The following FOXP2 variants were observed in gnomAD, a reference collection of about 807,000 sequenced individuals.
FOXP2 encodes the protein forkhead box P2, also known as forkhead box protein P2.
A neutral mutation model predicts 115.8 loss-of-function variants in FOXP2; 12 were observed. The ratio of observed to expected loss-of-function variants is 0.10; its 90% CI spans 0.07 to 0.17. The LOEUF is 0.17. Among genes scored for constraint, FOXP2 ranks in the 10% least tolerant of loss-of-function variants. The pLI is 1.00. For synonymous variants in FOXP2, 328 were observed against 297.7 expected (o/e 1.10, Z -1.05); for missense variants, 629 against 843.5 (o/e 0.75, Z 3.15).
intron 2 of FOXP2, among the ~76,000 whole-genome samples, chr7:114,361,498 G>C (rs1791744031): frequency 6.6e-6 from 1 of 152,016 alleles, no homozygotes; most frequent in East Asian, 1.9e-4. Context: ...AGTATAATTT[G>C]TTCAGCCATA....
intron 1 of FOXP2, among the ~76,000 whole-genome samples, chr7:114,173,081 C>G (rs1170258199): frequency 6.6e-6 from 1 of 151,568 alleles, no homozygotes; most frequent in Non-Finnish European, 1.5e-5. Flanking sequence ...TAAGAATATC[C>G]ATGCTATAGT....
At chr7:114,171,042 G>A (rs1458697096) in intron 1 of FOXP2, among the ~76,000 whole-genome samples, 1 of 152,204 alleles carries the variant, frequency 6.6e-6, no homozygotes, top group African/African-American at 2.4e-5. Flanking sequence ...TGACTCTTTT[G>A]TTAGAGGCTA....
intron 1 of FOXP2, among the ~76,000 whole-genome samples, chr7:114,258,996 T>C (rs1795685150): frequency 6.6e-6 from 1 of 152,162 alleles, no homozygotes; most frequent in South Asian, 2.1e-4. Flanking sequence ...AATTCATATA[T>C]TGTAGAAGAG....
intron 1 of FOXP2, among the ~76,000 whole-genome samples, chr7:114,172,045 AT>A (rs1793157301): frequency 6.6e-6 from 1 of 152,198 alleles, no homozygotes; most frequent in Non-Finnish European, 1.5e-5. Context: ...TAAAACTTTA[AT>A]AAGTGAGGAA....
upstream of FOXP2, among the ~76,000 whole-genome samples, chr7:114,412,132 G>A (rs576642906): frequency 6.6e-6 from 1 of 152,000 alleles, no homozygotes; most frequent in South Asian, 2.1e-4. Context: ...TCATAATAAG[G>A]GCATAGAAAG....
At chr7:114,353,514 T>C (rs995109101) in intron 2 of FOXP2, among the ~76,000 whole-genome samples, 3 of 152,108 alleles carry the variant, frequency 2.0e-5, no homozygotes, top group Admixed American at 6.6e-5. Flanking sequence ...TGAAAGCAGA[T>C]TGGGATTTAC....
chr7:114,149,991 C>T (rs1348063824), intron 1 of FOXP2, among the ~76,000 whole-genome samples: 3 of 151,856 alleles, frequency 2.0e-5, no homozygotes, highest in Non-Finnish European at 4.4e-5. Flanking sequence ...ATATGAATAC[C>T]GTTTAGTGTT....
chr7:114,174,146 A>C (rs1215171956), intron 1 of FOXP2, among the ~76,000 whole-genome samples: 1 of 151,980 alleles, frequency 6.6e-6, no homozygotes, highest in Non-Finnish European at 1.5e-5. Context: ...GTGCAAATAA[A>C]TAAATGTGTG....
chr7:114,429,668 CAG>C (rs1794018539), intron 2 of FOXP2, among the ~76,000 whole-genome samples: 1 of 151,472 alleles, frequency 6.6e-6, no homozygotes, highest in Admixed American at 6.6e-5. Context: ...TTCATTAAGT[CAG>C]ATAATCTTTC....
intron 2 of FOXP2, among the ~76,000 whole-genome samples, chr7:114,357,138 A>G (rs1791636413): frequency 6.6e-6 from 1 of 152,150 alleles, no homozygotes; most frequent in African/African-American, 2.4e-5. Context: ...GGCCATTTGA[A>G]AACCCTGATA....
chr7:114,296,345 G>T (rs746334331), intron 2 of FOXP2, among the ~76,000 whole-genome samples: 15 of 152,032 alleles, frequency 9.9e-5, no homozygotes, highest in Non-Finnish European at 1.8e-4. Context: ...GAATGGATTT[G>T]CCAGAGTACA....
intron 1 of FOXP2, among the ~76,000 whole-genome samples, chr7:114,096,026 T>C (rs1799640909): frequency 6.6e-6 from 1 of 152,150 alleles, no homozygotes; most frequent in Non-Finnish European, 1.5e-5. Flanking sequence ...AAAAAGTATA[T>C]TTAGAGCTTC....
intron 3 of FOXP2, among the ~76,000 whole-genome samples, chr7:114,574,958 A>G (rs1801500797): frequency 6.6e-6 from 1 of 151,894 alleles, no homozygotes; most frequent in South Asian, 2.1e-4. Context: ...GGTCTTTACT[A>G]TGTTTATCTC....
chr7:114,314,916 T>C (rs1437126912), intron 2 of FOXP2, among the ~76,000 whole-genome samples: 2 of 152,198 alleles, frequency 1.3e-5, no homozygotes, highest in Non-Finnish European at 2.9e-5. Flanking sequence ...TGTGCAATGA[T>C]TATATAGATG....
chr7:114,529,632 A>T (rs1449108084), intron 2 of FOXP2, among the ~76,000 whole-genome samples: 1 of 151,872 alleles, frequency 6.6e-6, no homozygotes, highest in East Asian at 1.9e-4. Context: ...ATCATTTTAA[A>T]AATATTCTTT....
At position 114,596,925 on chromosome 7, in the gene FOXP2, C is replaced by T. The variant is rs752413877; in HGVS notation, c.259-31615C>T. ...TCTCAGCCCTGACCTCAGAGGTACT[C>T]ATTAGTGACTTTTCTTTATTGTACT... is the stretch of plus-strand genomic sequence containing the variant. On this transcript the variant is annotated intron_variant, in intron 3 of 16. Coordinates refer to ENST00000350908, the MANE Select transcript of FOXP2 (RefSeq NM_014491.4). Among the ~76,000 whole-genome samples the T allele has an allele frequency of 2.0e-5, 3 of 152,036 alleles. No individual in the cohort carries two copies. In the South Asian group the frequency reaches 6.2e-4, roughly 32 times the overall value.
At position 114,690,456 on chromosome 7, in the gene FOXP2, C is replaced by G; in HGVS notation, c.*530C>G. On this transcript the variant is annotated 3_prime_UTR_variant, in exon 17 of 17. Transcript: ENST00000350908. ...AATTAGTGTCACTGCTTGTATCTAG[C>G]TGAATTTTAAACAACAGAACATTAG... The G allele has an allele frequency of 2.2e-6, 1 of 453,906 alleles. No homozygotes were observed. Among genetic ancestry groups the G allele is most frequent in the Middle Eastern group, 6.9e-4 (1 of 1,444 alleles). The allele number at this position is 453,906 out of a possible 1,614,324, so 28.1% of individuals were successfully genotyped here. A position where few individuals can be genotyped will look rare whatever the true frequency, so the allele number is the denominator to read the frequency against.
At chr7:114,383,356 C>T (rs1792358366) in intron 2 of FOXP2, among the ~76,000 whole-genome samples, 1 of 152,076 alleles carries the variant, frequency 6.6e-6, no homozygotes, top group Non-Finnish European at 1.5e-5. Context: ...GGAACATTGG[C>T]ACTCTTTGAT....
chr7:114,599,908 A>T (rs1035668101), intron 3 of FOXP2, among the ~76,000 whole-genome samples: 2 of 152,182 alleles, frequency 1.3e-5, no homozygotes, highest in African/African-American at 4.8e-5. Context: ...AATTAGGCAT[A>T]AAATACAGAG....
Sources: allele counts gnomAD v4.1 joint callset (sites outside exome capture counted in the v4.1 genomes callset), GRCh38; gene constraint gnomAD v4.1.1; transcripts MANE v1.5; gene names NCBI Gene and HGNC (gene_info 2026-07-23, HGNC 2026-07-21).